The following GLIS3 variants were observed in gnomAD, a reference collection of about 807,000 sequenced individuals.
The protein encoded by GLIS3 is zinc finger protein GLIS3.
A neutral mutation model predicts 78.6 loss-of-function variants in GLIS3; 53 were observed. That is an observed-to-expected ratio of 0.67 (90% CI 0.54 to 0.85). The LOEUF is 0.85. Ranked by LOEUF, GLIS3 falls within the 40% of genes least tolerant of loss-of-function variation. GLIS3 has a pLI of 0.00. For synonymous variants in GLIS3, 684 were observed against 509.9 expected (o/e 1.34, Z -4.60); for missense variants, 1,703 against 1,231.1 (o/e 1.38, Z -5.74).
At chr9:4,155,020 C>T (rs1834948798) in intron 2 of GLIS3, among the ~76,000 whole-genome samples, 1 of 152,096 alleles carries the variant, frequency 6.6e-6, no homozygotes, top group African/African-American at 2.4e-5. Context: ...GACCATGAAA[C>T]TTTATTTAGA....
At chr9:4,182,800 T>C (rs564694555) in intron 2 of GLIS3, among the ~76,000 whole-genome samples, 3 of 152,348 alleles carry the variant, frequency 2.0e-5, no homozygotes, top group East Asian at 1.9e-4. Context: ...TCAAGGGTGA[T>C]GACAACTGCT....
At chr9:4,322,790 C>A (rs1297675705) in intron 2 of GLIS3, among the ~76,000 whole-genome samples, 1 of 152,068 alleles carries the variant, frequency 6.6e-6, no homozygotes, top group Admixed American at 6.6e-5. Flanking sequence ...TGTTTAAGTT[C>A]TTTGTAGATT....
intron 2 of GLIS3, among the ~76,000 whole-genome samples, chr9:4,231,920 G>A (rs2131367314): frequency 6.6e-6 from 1 of 152,280 alleles, no homozygotes; most frequent in South Asian, 2.1e-4. Context: ...TTATGTTCCT[G>A]TTAAAGCCCC....
chr9:3,937,043 C>T lies in GLIS3; in HGVS notation c.1857G>A (p.Arg619=). The change falls in exon 5 of 11, where the codon CGG becomes CGA. Residue 619 remains arginine (R), a synonymous_variant. Transcript: ENST00000381971. ...SNSSDRAKHQ[R]THLDTKPYAC... ...CCATTCTTACGGTGTCCAGATGCGT[C>T]CGCTGGTGTTTGGCGCGGTCACTGG... The T allele has an allele frequency of 6.2e-7, 1 of 1,612,950 alleles. No homozygotes were observed. Among genetic ancestry groups the T allele is most frequent in the Non-Finnish European group, 8.5e-7 (1 of 1,179,978 alleles).
At chr9:4,134,772 G>A (rs72687997) in intron 2 of GLIS3, among the ~76,000 whole-genome samples, 37 of 152,332 alleles carry the variant, frequency 2.4e-4, no homozygotes, top group Non-Finnish European at 4.7e-4. Flanking sequence ...CTCTCAGTAT[G>A]CCCTTCTCTG....
chr9:4,384,269 T>A, the GLIS3 span, among the ~76,000 whole-genome samples: 1 of 152,098 alleles, frequency 6.6e-6, no homozygotes, highest in African/African-American at 2.4e-5. Context: ...ACAACAGCAG[T>A]GCTGCCAGAG....
intron 4 of GLIS3, among the ~76,000 whole-genome samples, chr9:4,086,093 A>G (rs980456344): frequency 4.6e-5 from 7 of 152,224 alleles, no homozygotes; most frequent in Non-Finnish European, 1.0e-4. Context: ...AGGATCAGAA[A>G]TTCAATGTCT....
At chr9:4,417,655 G>T in the GLIS3 span, among the ~76,000 whole-genome samples, 1 of 152,052 alleles carries the variant, frequency 6.6e-6, no homozygotes, top group African/African-American at 2.4e-5. Flanking sequence ...AAATTGCTAG[G>T]TCAAAAAAGT....
the GLIS3 span, among the ~76,000 whole-genome samples, chr9:4,465,434 A>G: frequency 6.6e-6 from 1 of 152,318 alleles, no homozygotes; most frequent in South Asian, 2.1e-4. Context: ...CTGTAGTCCC[A>G]GCTACTAGGG....
chr9:4,424,493 C>T, the GLIS3 span, among the ~76,000 whole-genome samples: 1 of 152,154 alleles, frequency 6.6e-6, no homozygotes, highest in Non-Finnish European at 1.5e-5. Flanking sequence ...CTAACGTGGT[C>T]TCTTAGAGAA....
chr9:3,855,280 T>A (rs1016252387), intron 9 of GLIS3, among the ~76,000 whole-genome samples: 1 of 152,214 alleles, frequency 6.6e-6, no homozygotes, highest in African/African-American at 2.4e-5. Flanking sequence ...ATTTAGACAA[T>A]CATTACCATT....
At chr9:4,371,727 A>G in the GLIS3 span, among the ~76,000 whole-genome samples, 1 of 152,124 alleles carries the variant, frequency 6.6e-6, no homozygotes, top group African/African-American at 2.4e-5. Flanking sequence ...CAAAACAGAA[A>G]TTACACCACG....
At chr9:4,337,003 C>A (rs1398937856) in intron 2 of GLIS3, among the ~76,000 whole-genome samples, 1 of 152,124 alleles carries the variant, frequency 6.6e-6, no homozygotes, top group Non-Finnish European at 1.5e-5. Context: ...ATTTAAAAAT[C>A]TAATATTACT....
intron 4 of GLIS3, among the ~76,000 whole-genome samples, chr9:4,018,795 G>C (rs1476607024): frequency 6.6e-6 from 1 of 152,190 alleles, no homozygotes; most frequent in Non-Finnish European, 1.5e-5. Context: ...GGGAATCACT[G>C]CAATGGAGGG....
chr9:3,987,539 T>C (rs1819841593), intron 4 of GLIS3, among the ~76,000 whole-genome samples: 1 of 151,076 alleles, frequency 6.6e-6, no homozygotes, highest in South Asian at 2.1e-4. Context: ...CTGTCTCTAC[T>C]AAAAATGCAA....
chr9:4,040,004 G>A (rs1420294180), intron 4 of GLIS3, among the ~76,000 whole-genome samples: 2 of 152,182 alleles, frequency 1.3e-5, no homozygotes, highest in East Asian at 1.9e-4. Context: ...GGAGAGCCAA[G>A]AGAAGTCCTA....
chr9:4,162,623 G>A lies in GLIS3; in HGVS notation c.389-36682C>T, dbSNP rs144824164. On this transcript the variant is annotated intron_variant, in intron 2 of 10. Coordinates refer to ENST00000381971, the MANE Select transcript of GLIS3 (RefSeq NM_001042413.2). ...GCCTGTAATCCCAGCACTTTGGGAG[G>A]CCGAGGTGGGCAGATCACGAGGTCA... is the stretch of plus-strand genomic sequence containing the variant. 3.7e-3 allele frequency among the ~76,000 whole-genome samples: 570 copies of A among 152,198 alleles called. 3 individuals carry two copies. Among genetic ancestry groups the A allele is most frequent in the South Asian group, 0.02 (94 of 4,818 alleles).
intron 4 of GLIS3, among the ~76,000 whole-genome samples, chr9:3,979,587 TC>T (rs1367422418): frequency 6.6e-6 from 1 of 152,140 alleles, no homozygotes; most frequent in African/African-American, 2.4e-5. Flanking sequence ...CAGGAAGCCT[TC>T]TTGGACCTCT....
chr9:4,181,934 G>A (rs1169964477), intron 2 of GLIS3, among the ~76,000 whole-genome samples: 1 of 152,194 alleles, frequency 6.6e-6, no homozygotes, highest in Non-Finnish European at 1.5e-5. Flanking sequence ...GAAGCACTCA[G>A]TCAACCCACA....
Sources: gnomAD v4.1 joint callset for allele counts (sites outside exome capture counted in the v4.1 genomes callset) on GRCh38, gnomAD v4.1.1 for gene constraint, MANE v1.5 for transcripts, NCBI Gene and HGNC (gene_info 2026-07-23, HGNC 2026-07-21) for gene names.